The following BCAS3 variants were observed in gnomAD, a reference collection of about 807,000 sequenced individuals.
BCAS3 encodes the protein BCAS3 microtubule associated cell migration factor.
In BCAS3, 53 loss-of-function variants were observed where a neutral mutation model predicts 116.1. The observed-to-expected ratio is 0.46, with a 90% CI of 0.37 to 0.57. The LOEUF (loss-of-function observed/expected upper bound fraction) is 0.57, where lower values mean the gene tolerates loss of function less well. Ranked by LOEUF, BCAS3 falls within the 20% of genes least tolerant of loss-of-function variation. The pLI is 0.00. For synonymous variants in BCAS3, 391 were observed against 408.2 expected (o/e 0.96, Z 0.51); for missense variants, 917 against 1,165.4 (o/e 0.79, Z 3.10).
chr17:61,123,312 G>A lies in BCAS3; in HGVS notation c.2425+38748G>A, dbSNP rs2075882382. Among the ~76,000 whole-genome samples, 3 of 151,744 alleles carry A rather than the reference G, an allele frequency of 2.0e-5. No individual in the cohort carries two copies. The South Asian group carries it at 6.2e-4, about 32-fold the overall frequency. On this transcript the variant is annotated intron_variant, in intron 22 of 23. Coordinates refer to ENST00000407086, the MANE Select transcript of BCAS3 (RefSeq NM_017679.5). ...AGGTGCAGCATATATGTGACCTGGTGCCCCACACCTCCACTGCTTCCCTGC... is the reference window on the plus strand; with the variant it reads ...AGGTGCAGCATATATGTGACCTGGTACCCCACACCTCCACTGCTTCCCTGC...
chr17:60,843,995 G>C (rs1263450731), intron 7 of BCAS3, among the ~76,000 whole-genome samples: 1 of 152,176 alleles, frequency 6.6e-6, no homozygotes, highest in Non-Finnish European at 1.5e-5. Context: ...TTGAGACGGA[G>C]TTTCTCTCTT....
chr17:60,989,882 T>C, intron 14 of BCAS3, 89 bp from the exon 15 acceptor site: 1 of 1,384,966 alleles, frequency 7.2e-7, no homozygotes, highest in Non-Finnish European at 1.0e-6. Flanking sequence ...GAGGCAATCA[T>C]TTATATTCAT....
intron 10 of BCAS3, 76 bp downstream of exon 10, chr17:60,889,847 T>C (rs904574991): frequency 7.6e-7 from 1 of 1,314,618 alleles, no homozygotes; most frequent in African/African-American, 1.5e-5. Context: ...ATACCTGTGC[T>C]CCATAGTTGA....
chr17:61,214,247 T>C lies in BCAS3; in HGVS notation c.2425+129683T>C, dbSNP rs1277648891. On this transcript the variant is annotated intron_variant, in intron 22 of 23. Transcript: ENST00000407086. The surrounding 1 kb of genome is among the most constrained non-coding windows in gnomAD (Gnocchi z 4.4). ...CAGGTGTGGTGGCAGGCACCTGTAA[T>C]CCCAGCTACTTGGGAGGCCAAGGCA... Among the ~76,000 whole-genome samples, 1 of 152,020 alleles carries C rather than the reference T, an allele frequency of 6.6e-6. No individual in the cohort carries two copies. Among genetic ancestry groups the C allele is most frequent in the African/African-American group, 2.4e-5 (1 of 41,362 alleles).
intron 22 of BCAS3, among the ~76,000 whole-genome samples, chr17:61,329,072 T>A (rs2055989671): frequency 1.3e-5 from 2 of 151,068 alleles, no homozygotes; most frequent in African/African-American, 4.9e-5. Context: ...TTTTTTGTAT[T>A]TTTAGTAGAG....
chr17:60,716,712 C>CA (rs766398636), intron 5 of BCAS3, among the ~76,000 whole-genome samples: 5,043 of 126,200 alleles, frequency 0.04, 254 homozygotes, highest in African/African-American at 0.13. Context: ...AAGACCCTCT[C>CA]AAAAAAAAAA....
At chr17:61,306,093 G>A (rs890001200) in intron 22 of BCAS3, among the ~76,000 whole-genome samples, 2 of 152,158 alleles carry the variant, frequency 1.3e-5, no homozygotes, top group Admixed American at 1.3e-4. Flanking sequence ...AAACACCCTA[G>A]TATGTTTCCA....
chr17:60,752,107 C>T (rs2042522629), intron 6 of BCAS3, among the ~76,000 whole-genome samples: 1 of 151,080 alleles, frequency 6.6e-6, no homozygotes, highest in Admixed American at 6.6e-5. Context: ...TTATTATGTC[C>T]CAGGACTGAT....
rs1304589455 is a variant in BCAS3, at chr17:61,041,409, G to GTGTAATATATATATATATATATATATATA, written c.2029+517_2029+518insTGTAATATATATATATATATATATATATA. Among the ~76,000 whole-genome samples the GTGTAATATATATATATATATATATATATA allele has an allele frequency of 6.6e-6, 1 of 152,130 alleles. No individual in the cohort carries two copies. On this transcript the variant is annotated intron_variant, in intron 19 of 23. Coordinates refer to ENST00000407086, the MANE Select transcript of BCAS3 (RefSeq NM_017679.5). This position sits in a 1 kb window ranked among gnomAD's most constrained non-coding sequence, Gnocchi z 4.7. ...ATGTTTAAGCGTGAGCATTTGTAGA[G>GTGTAATATATATATATATATATATATATA]ACTGAACCAAGTTCATTGACCTAGA...
At chr17:60,873,308 C>T (rs1015687529) in intron 8 of BCAS3, among the ~76,000 whole-genome samples, 2 of 152,036 alleles carry the variant, frequency 1.3e-5, no homozygotes, top group Non-Finnish European at 2.9e-5. Flanking sequence ...TAGAATTATT[C>T]TGCATCAGTA....
In BCAS3 at chr17:61,235,752, G is replaced by A. The variant is rs1433546495; in HGVS notation, c.2426-132575G>A. 6.6e-6 allele frequency among the ~76,000 whole-genome samples: 1 copy of A among 151,956 alleles called. No individual in the cohort carries two copies. The highest frequency in any genetic ancestry group is 1.5e-5 in the Non-Finnish European group (1 of 67,988). ...GAAAGAAAGACAAGGGAAAAAAATG[G>A]TTAGGGAGGCTGCAAAAGAGATGTG... On this transcript the variant is annotated intron_variant, in intron 22 of 23. Coordinates refer to ENST00000407086, the MANE Select transcript of BCAS3 (RefSeq NM_017679.5). The surrounding 1 kb of genome is among the most constrained non-coding windows in gnomAD (Gnocchi z 5.0).
chr17:61,057,066 G>A (rs1306496321), intron 19 of BCAS3, among the ~76,000 whole-genome samples: 1 of 152,132 alleles, frequency 6.6e-6, no homozygotes, highest in African/African-American at 2.4e-5. Flanking sequence ...TATAAATATG[G>A]ATTTTGCTAA....
At chr17:60,839,739 A>C (rs889878561) in intron 7 of BCAS3, among the ~76,000 whole-genome samples, 18 of 152,198 alleles carry the variant, frequency 1.2e-4, no homozygotes, top group African/African-American at 3.9e-4. Context: ...AGATTCAGTA[A>C]CACATGTTGA....
At chr17:60,834,959 A>G (rs1387347548) in intron 7 of BCAS3, among the ~76,000 whole-genome samples, 2 of 151,858 alleles carry the variant, frequency 1.3e-5, no homozygotes, top group Admixed American at 6.6e-5. Flanking sequence ...CTAACTGTAC[A>G]TGATTTTTAG....
intron 11 of BCAS3, among the ~76,000 whole-genome samples, chr17:60,906,724 T>A (rs1042694791): frequency 6.6e-6 from 1 of 152,210 alleles, no homozygotes; most frequent in Non-Finnish European, 1.5e-5. Flanking sequence ...GGAAATCAGA[T>A]TGATCTGATT....
In BCAS3 at chr17:61,302,922, T is replaced by G. The variant is rs979037103; in HGVS notation, c.2426-65405T>G. On this transcript the variant is annotated intron_variant, in intron 22 of 23. Coordinates refer to ENST00000407086, the MANE Select transcript of BCAS3 (RefSeq NM_017679.5). This position sits in a 1 kb window ranked among gnomAD's most constrained non-coding sequence, Gnocchi z 4.4. Reference sequence around the variant, plus strand: ...TTTGAGAGAGAAGACCATCTATCTCTAAGGTCCCTTCCAGTGCCATCTGAC... The same window carrying G: ...TTTGAGAGAGAAGACCATCTATCTCGAAGGTCCCTTCCAGTGCCATCTGAC... Among the ~76,000 whole-genome samples, 11 of 152,318 alleles carry G rather than the reference T, an allele frequency of 7.2e-5. No homozygotes were observed. The highest frequency in any genetic ancestry group is 4.1e-4 in the South Asian group (2 of 4,828).
At chr17:60,941,639 G>T (rs2060230633) in intron 13 of BCAS3, among the ~76,000 whole-genome samples, 1 of 152,148 alleles carries the variant, frequency 6.6e-6, no homozygotes, top group Non-Finnish European at 1.5e-5. Context: ...GGAAAAAAGT[G>T]TTTGAGATAG....
intron 22 of BCAS3, among the ~76,000 whole-genome samples, chr17:61,289,022 A>G (rs756526523): frequency 3.9e-5 from 6 of 152,168 alleles, no homozygotes; most frequent in African/African-American, 9.7e-5. Flanking sequence ...CCCTCTGCAC[A>G]TTTCCTCTTG....
rs1271833693 is a variant in BCAS3, at chr17:61,088,172, G to C, written c.2425+3608G>C. Among the ~76,000 whole-genome samples, 2 of 152,078 alleles carry C rather than the reference G, an allele frequency of 1.3e-5. No homozygotes were observed. Among genetic ancestry groups the C allele is most frequent in the Non-Finnish European group, 2.9e-5 (2 of 68,014 alleles). On this transcript the variant is annotated intron_variant, in intron 22 of 23. Transcript: ENST00000407086. This position sits in a 1 kb window ranked among gnomAD's most constrained non-coding sequence, Gnocchi z 4.2. The stretch of plus-strand genomic sequence containing the variant: ...ACTCTAGCCTGGGTGACCGAGCAAG[G>C]CTCTGTCTCAAAAAGACAAAACAAA...
Sources: allele counts gnomAD v4.1 joint callset (sites outside exome capture counted in the v4.1 genomes callset), GRCh38; gene constraint gnomAD v4.1.1; non-coding constraint Gnocchi (gnomAD v3.1); transcripts MANE v1.5; gene names NCBI Gene and HGNC (gene_info 2026-07-23, HGNC 2026-07-21).